The following FBXO27 variants were observed in gnomAD, a reference collection of about 807,000 sequenced individuals.
FBXO27 encodes the protein F-box protein 27, also known as F-box only protein 27.
Under a neutral mutation model 28.3 loss-of-function variants are expected in FBXO27, and 28 were observed. The ratio of observed to expected loss-of-function variants is 0.99; its 90% CI spans 0.73 to 1.36. The LOEUF (loss-of-function observed/expected upper bound fraction) is 1.36. Among genes scored for constraint, FBXO27 ranks in the 40% most tolerant of loss-of-function variants. The pLI is 0.00. For missense variants in FBXO27, 388 were observed against 394.1 expected, an observed-to-expected ratio of 0.98 and a Z score of 0.13; for synonymous variants, 175 against 167.3, an observed-to-expected ratio of 1.05 and a Z score of -0.36.
Position 39,025,335 on chromosome 19 carries a change from A to C in FBXO27, c.*76T>G. On this transcript the variant is annotated 3_prime_UTR_variant, in exon 6 of 6. Coordinates refer to ENST00000292853, the MANE Select transcript of FBXO27 (RefSeq NM_178820.5). Reference sequence around the variant, plus strand: ...GGGAGGTACAAGTGCTTGGTTGGTTAATGAGGGGTCCCAGCCAATGGTCCC... The same window carrying C: ...GGGAGGTACAAGTGCTTGGTTGGTTCATGAGGGGTCCCAGCCAATGGTCCC... 1 of 1,530,276 alleles carries C rather than the reference A, an allele frequency of 6.5e-7. No individual in the cohort carries two copies. The allele number at this position is 1,530,276 out of a possible 1,614,324, so 94.8% of individuals were successfully genotyped here.
In FBXO27 at chr19:39,025,336, A is replaced by G; in HGVS notation, c.*75T>C. The G allele has an allele frequency of 6.5e-7, 1 of 1,533,664 alleles. No homozygotes were observed. The highest frequency in any genetic ancestry group is 1.2e-5 in the South Asian group (1 of 80,244). On this transcript the variant is annotated 3_prime_UTR_variant, in exon 6 of 6. Transcript: ENST00000292853. The stretch of plus-strand genomic sequence containing the variant: ...GGAGGTACAAGTGCTTGGTTGGTTA[A>G]TGAGGGGTCCCAGCCAATGGTCCCA...
Position 39,025,289 on chromosome 19 carries a change from C to A in FBXO27, c.*122G>T. Reference sequence around the variant, plus strand: ...GGCCCGTCAGGGCCTTTGATTGGACCCAGGAATTCTCAGTATGCCAGGGAG... The same window carrying A: ...GGCCCGTCAGGGCCTTTGATTGGACACAGGAATTCTCAGTATGCCAGGGAG... On this transcript the variant is annotated 3_prime_UTR_variant, in exon 6 of 6. Transcript: ENST00000292853. 7.4e-7 allele frequency: 1 copy of A among 1,354,880 alleles called. No individual in the cohort carries two copies. 83.9% of individuals were successfully genotyped at this position (1,354,880 alleles called of 1,614,324 possible).
intron 1 of FBXO27, among the ~76,000 whole-genome samples, chr19:39,015,542 G>A (rs150084912): frequency 4.0e-5 from 6 of 151,686 alleles, no homozygotes; most frequent in African/African-American, 7.3e-5. Context: ...CAGGAGGCTC[G>A]CTTGAGCCCA....
At position 39,032,392 on chromosome 19, in the gene FBXO27, G is replaced by A; in HGVS notation, c.-27+111C>T. ...TCCCCAAGTCCCCATCCCCCAGCCC[G>A]TCCTTGATAGCCCCGATATCCCGGA... On this transcript the variant is annotated intron_variant, in intron 1 of 5. Coordinates refer to ENST00000292853, the MANE Select transcript of FBXO27 (RefSeq NM_178820.5). This position sits in a 1 kb window ranked among gnomAD's most constrained non-coding sequence, Gnocchi z 4.7. 1.0e-6 allele frequency: 1 copy of A among 985,588 alleles called. No homozygotes were observed. Among genetic ancestry groups the A allele is most frequent in the Non-Finnish European group, 1.4e-6 (1 of 737,136 alleles). 61.1% of individuals were successfully genotyped at this position (985,588 alleles called of 1,614,324 possible). A position where few individuals can be genotyped will look rare whatever the true frequency, so the allele number is the denominator to read the frequency against.
At chr19:39,008,473 T>C (rs1322650287) in intron 2 of FBXO27, among the ~76,000 whole-genome samples, 6 of 152,158 alleles carry the variant, frequency 3.9e-5, no homozygotes, top group African/African-American at 9.7e-5. Context: ...ATTATAACTT[T>C]AGATTTTTTT....
At chr19:39,014,165 C>T (rs147825045) in intron 2 of FBXO27, among the ~76,000 whole-genome samples, 4 of 152,252 alleles carry the variant, frequency 2.6e-5, no homozygotes, top group South Asian at 4.1e-4. Flanking sequence ...AGTGTGCGCC[C>T]GTTTTTAATT....
At chr19:39,025,672 C>A in intron 5 of FBXO27, 118 bp from the exon 6 acceptor site, 1 of 1,281,830 alleles carries the variant, frequency 7.8e-7, no homozygotes, top group Non-Finnish European at 1.1e-6. Flanking sequence ...TCCAATTGGG[C>A]CACATGTTCT....
At chr19:39,011,418 C>T (rs1002361729) in intron 2 of FBXO27, among the ~76,000 whole-genome samples, 26 of 152,234 alleles carry the variant, frequency 1.7e-4, no homozygotes, top group Middle Eastern at 3.4e-3. Context: ...GGCAACAGAG[C>T]GAAACTCTCT....
chr19:39,026,963 G>T lies in FBXO27; in HGVS notation c.615C>A (p.Leu205=). The change falls in exon 5 of 6, where the codon CTC becomes CTA. Residue 205 remains leucine (L), a synonymous_variant. Coordinates refer to ENST00000292853, the MANE Select transcript of FBXO27 (RefSeq NM_178820.5). ...RHDSGCMYRL[L]VQLLDANQTV... ...TCTGGTTGGCGTCTAGAAGTTGGAC[G>T]AGGAGTCTGTACATACAGCCGCTGT... The T allele has an allele frequency of 6.2e-7, 1 of 1,614,186 alleles. No homozygotes were observed. The highest frequency in any genetic ancestry group is 8.5e-7 in the Non-Finnish European group (1 of 1,180,028).
At chr19:39,021,012 G>C (rs1029140992), downstream of FBXO27, among the ~76,000 whole-genome samples, 5 of 151,990 alleles carry the variant, frequency 3.3e-5, no homozygotes, top group African/African-American at 1.2e-4. Context: ...CCGCCACCAC[G>C]CCCAGCTAAT....
At chr19:39,006,657 T>C (rs977338725) in intron 2 of FBXO27, among the ~76,000 whole-genome samples, 2 of 152,028 alleles carry the variant, frequency 1.3e-5, no homozygotes, top group Admixed American at 6.6e-5. Context: ...TCTGTATGAA[T>C]TGTTTTATGT....
At chr19:39,014,967 G>A (rs1334432417) in intron 1 of FBXO27, among the ~76,000 whole-genome samples, 2 of 146,554 alleles carry the variant, frequency 1.4e-5, no homozygotes, top group African/African-American at 2.6e-5. Flanking sequence ...GCAGTGAGCC[G>A]AGATCACGCT....
chr19:39,011,321 A>G (rs1291180858), intron 2 of FBXO27, among the ~76,000 whole-genome samples: 2 of 152,108 alleles, frequency 1.3e-5, no homozygotes, highest in Non-Finnish European at 2.9e-5. Context: ...AATCCCAGCT[A>G]CCTGGAAGGT....
At position 39,013,142 on chromosome 19, in the gene FBXO27, G is replaced by A. The variant is rs79234897; in HGVS notation, c.252+1245C>T. Among the ~76,000 whole-genome samples the A allele has an allele frequency of 2.4e-3, 361 of 152,274 alleles. 6 individuals are homozygous for A. The East Asian group carries it at 0.028, about 12-fold the overall frequency. On this transcript the variant is annotated intron_variant, in intron 2 of 2. Transcript: ENST00000598394. The stretch of plus-strand genomic sequence containing the variant: ...CTTCCTAAGGTGTGTGTTGTAGCAG[G>A]AGAGAAGTGGGGAAGTAGAGTCAGG...
intron 2 of FBXO27, among the ~76,000 whole-genome samples, chr19:39,011,449 T>G (rs149718755): frequency 0.011 from 1,608 of 152,220 alleles, 33 homozygotes; most frequent in African/African-American, 0.037. Context: ...AATTTTTTTT[T>G]GATAGGCATT....
At chr19:39,018,884 C>A (rs56405021) in intron 1 of FBXO27, among the ~76,000 whole-genome samples, 17,829 of 150,708 alleles carry the variant, frequency 0.12, 1,186 homozygotes, top group African/African-American at 0.15. Flanking sequence ...GCCTGGCCAA[C>A]GTGGCGAAAC....
chr19:39,025,812 C>T (rs1185119590), intron 5 of FBXO27, among the ~76,000 whole-genome samples: 2 of 152,024 alleles, frequency 1.3e-5, no homozygotes, highest in African/African-American at 2.4e-5. Context: ...GCCAGGAGTT[C>T]GAGACCAGTC....
At chr19:39,031,835 A>C in intron 2 of FBXO27, 29 bp downstream of exon 2, 4 of 1,460,540 alleles carry the variant, frequency 2.7e-6, no homozygotes, top group Non-Finnish European at 3.6e-6. Context: ...GTGGCCCAGC[A>C]TCCTGGACTT....
intron 2 of FBXO27, 48 bp from the exon 3 acceptor site, chr19:39,031,368 T>A (rs2072902416): frequency 1.3e-6 from 2 of 1,576,628 alleles, no homozygotes; most frequent in South Asian, 1.1e-5. Flanking sequence ...GCCCGCCTGT[T>A]GGTTCCTAGT....
Sources: allele counts gnomAD v4.1 joint callset (sites outside exome capture counted in the v4.1 genomes callset), GRCh38; gene constraint gnomAD v4.1.1; non-coding constraint Gnocchi (gnomAD v3.1); transcripts MANE v1.5; gene names NCBI Gene and HGNC (gene_info 2026-07-23, HGNC 2026-07-21).